The following ADAMTS9 variants were observed in gnomAD, a reference collection of about 807,000 sequenced individuals.
The protein encoded by ADAMTS9 is ADAM metallopeptidase with thrombospondin type 1 motif 9.
A neutral mutation model predicts 257.1 loss-of-function variants in ADAMTS9; 107 were observed. The ratio of observed to expected loss-of-function variants is 0.42; its 90% CI spans 0.36 to 0.49. ADAMTS9 has a LOEUF of 0.49. ADAMTS9 is among the 20% of genes least tolerant of loss of function. ADAMTS9 has a pLI of 0.03. For missense variants in ADAMTS9, 2,353 were observed against 2,469.1 expected (o/e 0.95, Z 1.00); for synonymous variants, 982 against 880.9 (o/e 1.11, Z -2.03).
intron 32 of ADAMTS9, among the ~76,000 whole-genome samples, chr3:64,545,003 T>G (rs2106919040): frequency 4.6e-5 from 1 of 21,674 alleles, no homozygotes; most frequent in Middle Eastern, 0.018. Context: ...AAAAGACACA[T>G]GAAAAAATGC....
rs116807216 is a variant in ADAMTS9 at position 64,653,760 on chromosome 3, T to G, written c.1316+593A>C. On this transcript the variant is annotated intron_variant, in intron 8 of 39. Transcript: ENST00000498707. ...TGCCCCATGTTCTAACCGTGCTCTA[T>G]CTCTAAAAAACAAAAGGGAAAGGCC... Among the ~76,000 whole-genome samples, 869 of 152,266 alleles carry G rather than the reference T, an allele frequency of 5.7e-3. 9 individuals carry two copies. The highest frequency in any genetic ancestry group is 0.022 in the South Asian group (106 of 4,816).
At chr3:64,544,663 A>G (rs953332447) in intron 32 of ADAMTS9, among the ~76,000 whole-genome samples, 3 of 152,244 alleles carry the variant, frequency 2.0e-5, no homozygotes, top group African/African-American at 4.8e-5. Flanking sequence ...TAAAAACCCT[A>G]GAAGAAAACC....
intron 21 of ADAMTS9, 43 bp downstream of exon 21, chr3:64,615,278 T>C (rs779242853): frequency 3.8e-6 from 6 of 1,598,582 alleles, no homozygotes; most frequent in Non-Finnish European, 5.1e-6. Context: ...AGAACTAGAA[T>C]GTAAGAGATG....
chr3:64,683,937 G>A (rs923346115), intron 2 of ADAMTS9, among the ~76,000 whole-genome samples: 1 of 152,004 alleles, frequency 6.6e-6, no homozygotes, highest in Non-Finnish European at 1.5e-5. Flanking sequence ...ACATCAACAT[G>A]GGGAACTATG....
intron 19 of ADAMTS9, among the ~76,000 whole-genome samples, chr3:64,617,466 G>T (rs1393008066): frequency 6.6e-6 from 1 of 152,104 alleles, no homozygotes; most frequent in Non-Finnish European, 1.5e-5. Flanking sequence ...CCTTAGAAAA[G>T]TTCTCAAAAT....
intron 3 of ADAMTS9, among the ~76,000 whole-genome samples, chr3:64,659,306 A>G (rs144616094): frequency 6.6e-6 from 1 of 152,098 alleles, no homozygotes; most frequent in African/African-American, 2.4e-5. Context: ...TGTCCTTACC[A>G]AAAATACAAA....
At chr3:64,614,344 G>A (rs1465105840) in intron 21 of ADAMTS9, among the ~76,000 whole-genome samples, 1 of 152,158 alleles carries the variant, frequency 6.6e-6, no homozygotes, top group Non-Finnish European at 1.5e-5. Context: ...CACTAGGTTT[G>A]CAGTTCATTT....
At chr3:64,570,198 A>T (rs1399127923) in intron 28 of ADAMTS9, among the ~76,000 whole-genome samples, 1 of 152,252 alleles carries the variant, frequency 6.6e-6, no homozygotes, top group Non-Finnish European at 1.5e-5. Flanking sequence ...TATGCAAAGT[A>T]CTAGAAATGT....
intron 9 of ADAMTS9, 62 bp from the exon 10 acceptor site, chr3:64,649,840 G>T: frequency 6.4e-7 from 1 of 1,555,304 alleles, no homozygotes; most frequent in African/African-American, 1.4e-5. Flanking sequence ...TCTCCCCCAG[G>T]TAACAGTAAA....
chr3:64,587,505 A>C (rs2084181593), intron 28 of ADAMTS9: 1 of 152,202 alleles, frequency 6.6e-6, no homozygotes, highest in African/African-American at 2.4e-5. Flanking sequence ...ACCATGTTTC[A>C]AGTGCTCAGT....
rs759485594 is a variant in ADAMTS9, at chr3:64,686,722, G to A, written c.362C>T (p.Ala121Val). The stretch of plus-strand genomic sequence containing the variant: ...GAGGAGGGTGACAGTGAACAGTGGA[G>A]CGATAAATCCGGCATTGGCGGTGAG... ...FNLTANAGFI[A>V]PLFTVTLLGT... Residue 121 changes from alanine to valine, a missense_variant, in exon 2 of 40, where the codon GCT (alanine) becomes GTT (valine). Physicochemically the swap from Ala to Val is moderately conservative, Grantham distance 64. Coordinates refer to ENST00000498707, the MANE Select transcript of ADAMTS9 (RefSeq NM_182920.2). This position sits in a 1 kb window ranked among gnomAD's most constrained non-coding sequence, Gnocchi z 4.6. The A allele has an allele frequency of 6.2e-7, 1 of 1,614,236 alleles. No individual in the cohort carries two copies. Among genetic ancestry groups the A allele is most frequent in the Non-Finnish European group, 8.5e-7 (1 of 1,180,046 alleles).
intron 28 of ADAMTS9, chr3:64,592,871 A>G (rs1445614375): frequency 6.6e-6 from 1 of 152,062 alleles, no homozygotes; most frequent in Non-Finnish European, 1.5e-5. Flanking sequence ...CTGTTGGTCT[A>G]GTGAACTGGG....
intron 8 of ADAMTS9, 77 bp downstream of exon 8, chr3:64,654,276 G>T (rs1701002006): frequency 7.1e-7 from 1 of 1,411,530 alleles, no homozygotes; most frequent in African/African-American, 1.4e-5. Flanking sequence ...CGAAAGTCAA[G>T]TAAATGCTCA....
At chr3:64,563,936 G>C (rs980654166) in intron 29 of ADAMTS9, among the ~76,000 whole-genome samples, 1 of 152,218 alleles carries the variant, frequency 6.6e-6, no homozygotes, top group Non-Finnish European at 1.5e-5. Flanking sequence ...TTTGCATAGA[G>C]AGCCAGCCAG....
At chr3:64,635,140 G>A (rs1287601243) in intron 12 of ADAMTS9, among the ~76,000 whole-genome samples, 1 of 152,154 alleles carries the variant, frequency 6.6e-6, no homozygotes, top group Non-Finnish European at 1.5e-5. Flanking sequence ...CCCACTCTGA[G>A]CACCGAGGCA....
At chr3:64,654,718 G>A (rs920138833) in intron 6 of ADAMTS9, 106 bp from the exon 7 acceptor site, 15 of 1,303,550 alleles carry the variant, frequency 1.2e-5, no homozygotes, top group Non-Finnish European at 1.6e-5. Context: ...ACACTTTGGG[G>A]TGGGGGTTAA....
chr3:64,555,807 G>A (rs1040220671), intron 30 of ADAMTS9, among the ~76,000 whole-genome samples: 2 of 152,088 alleles, frequency 1.3e-5, no homozygotes, highest in African/African-American at 4.8e-5. Context: ...GGTGAGAAAT[G>A]GCATGGGTGG....
At position 64,534,146 on chromosome 3, in the gene ADAMTS9, T is replaced by A. The variant is rs1000563975; in HGVS notation, c.5614-876A>T. Among the ~76,000 whole-genome samples the A allele has an allele frequency of 2.6e-5, 4 of 152,306 alleles. No homozygotes were observed. The East Asian group carries it at 7.7e-4, about 29-fold the overall frequency. The stretch of plus-strand genomic sequence containing the variant: ...CTGAAACTGACAAACCAGCACTTTG[T>A]CAAAACAGTCTTTTATAAACAAGAA... On this transcript the variant is annotated intron_variant, in intron 37 of 39. Transcript: ENST00000498707.
Position 64,622,596 on chromosome 3 carries a change from A to G in ADAMTS9, c.2390-10T>C, listed in dbSNP as rs201618608. On this transcript the variant is annotated splice_polypyrimidine_tract_variant and intron_variant, in intron 16 of 39. Transcript: ENST00000498707. ...TTACTGCTTGATAAAGCTGTAGGTG[A>G]AGAAACAGAATAATACATTGATCTG... is the stretch of plus-strand genomic sequence containing the variant. 154 of 1,613,330 alleles carry G rather than the reference A, an allele frequency of 9.5e-5. 1 individual carries two copies. The highest frequency in any genetic ancestry group is 2.2e-5 in the South Asian group (2 of 91,072).
Sources: gnomAD v4.1 joint callset for allele counts (sites outside exome capture counted in the v4.1 genomes callset) on GRCh38, gnomAD v4.1.1 for gene constraint, Gnocchi (gnomAD v3.1) non-coding constraint, MANE v1.5 for transcripts, NCBI Gene and HGNC (gene_info 2026-07-23, HGNC 2026-07-21) for gene names.